NHLRC2: variants seen among roughly 807,000 people sequenced by gnomAD.
The protein encoded by NHLRC2 is NHL repeat containing 2.
In NHLRC2, 33 loss-of-function variants were observed where a neutral mutation model predicts 68.1. The ratio of observed to expected loss-of-function variants is 0.48; its 90% CI spans 0.37 to 0.65. NHLRC2 has a LOEUF of 0.65. NHLRC2 is among the 30% of genes least tolerant of loss of function. The pLI is 0.00. For synonymous variants in NHLRC2, 311 were observed against 309.6 expected (o/e 1.00, Z -0.05); for missense variants, 761 against 853.8 (o/e 0.89, Z 1.35).
intron 1 of NHLRC2, among the ~76,000 whole-genome samples, chr10:113,856,029 T>G (rs538295487): frequency 6.6e-4 from 101 of 152,260 alleles, no homozygotes; most frequent in Middle Eastern, 3.4e-3. Context: ...GTACTGTGCT[T>G]CTCCGTTCAA....
At chr10:113,856,607 G>A (rs1024171269) in intron 1 of NHLRC2, among the ~76,000 whole-genome samples, 2 of 152,246 alleles carry the variant, frequency 1.3e-5, no homozygotes, top group South Asian at 2.1e-4. Flanking sequence ...GGGATTTGGG[G>A]AATGTTTTTT....
In NHLRC2 at chr10:113,876,847, C is replaced by T; in HGVS notation, c.658C>T (p.Pro220Ser). 6.2e-7 allele frequency: 1 copy of T among 1,612,484 alleles called. No individual in the cohort carries two copies. The highest frequency in any genetic ancestry group is 8.5e-7 in the Non-Finnish European group (1 of 1,178,780). The change falls in exon 3 of 11, where the codon CCT (proline) becomes TCT (serine). Residue 220 changes from proline to serine, a missense_variant. Physicochemically the swap from Pro to Ser is moderately conservative, Grantham distance 74 (BLOSUM62 -1). Coordinates refer to ENST00000369301, the MANE Select transcript of NHLRC2 (RefSeq NM_198514.4). ...GIKLYKDSLPPSPLLFPGKVT... is the reference protein window; with the variant it reads ...GIKLYKDSLPSSPLLFPGKVT... ...AAAACTCTATAAAGATTCTTTGCCA[C>T]CTTCACCATTGCTATTTCCTGGCAA...
At chr10:113,858,418 A>G in intron 1 of NHLRC2, 110 bp from the exon 2 acceptor site, 2 of 680,486 alleles carry the variant, frequency 2.9e-6, no homozygotes, top group Non-Finnish European at 5.0e-6. Context: ...ACTCTCTCAA[A>G]GTGTTTATTT....
intron 2 of NHLRC2, among the ~76,000 whole-genome samples, chr10:113,870,906 T>C (rs1330099160): frequency 6.6e-6 from 1 of 152,186 alleles, no homozygotes; most frequent in African/African-American, 2.4e-5. Flanking sequence ...TTTATATGGC[T>C]ATTTATTGTA....
chr10:113,895,133 G>C (rs1398350040), intron 5 of NHLRC2, among the ~76,000 whole-genome samples: 1 of 152,132 alleles, frequency 6.6e-6, no homozygotes, highest in Non-Finnish European at 1.5e-5. Context: ...AATAGTACAG[G>C]TTCACATCTA....
intron 2 of NHLRC2, among the ~76,000 whole-genome samples, chr10:113,868,024 T>G (rs539511321): frequency 1.8e-4 from 27 of 152,358 alleles, no homozygotes; most frequent in Admixed American, 7.8e-4. Flanking sequence ...GGTCTCACTC[T>G]GTTGCCTGGG....
chr10:113,888,657 A>G (rs1434408352), intron 5 of NHLRC2, among the ~76,000 whole-genome samples: 1 of 152,122 alleles, frequency 6.6e-6, no homozygotes, highest in Non-Finnish European at 1.5e-5. Context: ...GTCATTCTTA[A>G]TGTGGTCAGA....
chr10:113,867,950 T>C (rs762365520), intron 2 of NHLRC2, among the ~76,000 whole-genome samples: 6 of 152,176 alleles, frequency 3.9e-5, no homozygotes, highest in Non-Finnish European at 5.9e-5. Context: ...AAAGTGGTTT[T>C]ATTACTAATA....
intron 3 of NHLRC2, 127 bp from the exon 4 acceptor site, chr10:113,879,447 T>G: frequency 3.9e-6 from 3 of 762,052 alleles, no homozygotes; most frequent in Non-Finnish European, 6.3e-6. Context: ...TTGGGGAACA[T>G]TTTAGTTTTT....
In NHLRC2 at chr10:113,854,847, G is replaced by C. The variant is rs1407450085; in HGVS notation, c.-26G>C. ...AGCGAGACTCTCCCGCGGGCCCGGC[G>C]GCCGCATCGGGAGCCCGGCGGAAAC... On this transcript the variant is annotated 5_prime_UTR_variant, in exon 1 of 11. Coordinates refer to ENST00000369301, the MANE Select transcript of NHLRC2 (RefSeq NM_198514.4). 6.5e-7 allele frequency: 1 copy of C among 1,529,584 alleles called. No individual in the cohort carries two copies. Among genetic ancestry groups the C allele is most frequent in the East Asian group, 2.5e-5 (1 of 40,674 alleles). 94.8% of individuals were successfully genotyped at this position (1,529,584 alleles called of 1,614,324 possible).
chr10:113,889,962 A>G (rs747143730), intron 5 of NHLRC2, among the ~76,000 whole-genome samples: 1 of 152,198 alleles, frequency 6.6e-6, no homozygotes, highest in Admixed American at 6.5e-5. Context: ...AGGTATTTCT[A>G]GTTTTCAGTG....
chr10:113,898,713 AC>A (rs1457982847), intron 6 of NHLRC2, among the ~76,000 whole-genome samples: 2 of 152,232 alleles, frequency 1.3e-5, no homozygotes, highest in Non-Finnish European at 2.9e-5. Context: ...ACAGTTGAAT[AC>A]CACATAGCAG....
Position 113,911,392 on chromosome 10 carries a change from A to G in NHLRC2, c.*2856A>G, listed in dbSNP as rs1292090724. The G allele has an allele frequency of 6.6e-6, 1 of 152,142 alleles. No individual in the cohort carries two copies. Among genetic ancestry groups the G allele is most frequent in the Non-Finnish European group, 1.5e-5 (1 of 67,984 alleles). 9.4% of individuals were successfully genotyped at this position (152,142 alleles called of 1,614,324 possible). A position where few individuals can be genotyped will look rare whatever the true frequency, so the allele number is the denominator to read the frequency against. ...ACTTTAGCAAAATTCAATGACTATGAAAAATAATTTTTTTCTTAACTGTTC... is the reference window on the plus strand; with the variant it reads ...ACTTTAGCAAAATTCAATGACTATGGAAAATAATTTTTTTCTTAACTGTTC... On this transcript the variant is annotated 3_prime_UTR_variant, in exon 11 of 11. Transcript: ENST00000369301.
intron 3 of NHLRC2, 121 bp from the exon 4 acceptor site, chr10:113,879,446 ATTTTAGT>A: frequency 1.3e-6 from 1 of 769,272 alleles, no homozygotes; most frequent in Non-Finnish European, 2.1e-6. Context: ...CTTGGGGAAC[ATTTTAGT>A]TTTTAGATGG....
rs546245791 is a variant in NHLRC2, at chr10:113,897,010, A to T, written c.1040-1100A>T. On this transcript the variant is annotated intron_variant, in intron 5 of 10. Coordinates refer to ENST00000369301, the MANE Select transcript of NHLRC2 (RefSeq NM_198514.4). ...CTCCGCCTCAAAAAAAAAAAAAAAA[A>T]TTTTGAACCAATAAATGCTTTGAAA... Among the ~76,000 whole-genome samples the T allele has an allele frequency of 3.6e-3, 553 of 151,766 alleles. 2 individuals are homozygous for T. Among genetic ancestry groups the T allele is most frequent in the African/African-American group, 0.011 (456 of 41,418 alleles).
intron 2 of NHLRC2, among the ~76,000 whole-genome samples, chr10:113,868,222 A>G (rs537853959): frequency 6.6e-6 from 1 of 152,100 alleles, no homozygotes; most frequent in South Asian, 2.1e-4. Flanking sequence ...ACAATTTTTG[A>G]TATAGTTTCT....
rs574794241 is a variant in NHLRC2, at chr10:113,901,067, T to C, written c.1140-599T>C. 1.1e-4 allele frequency among the ~76,000 whole-genome samples: 16 copies of C among 152,352 alleles called. No individual in the cohort carries two copies. The South Asian group carries it at 3.3e-3, about 32-fold the overall frequency. ...CTAATGTATATAAGAAATTGATTTG[T>C]ACAATCGATATAATTGTACATAATT... is the stretch of plus-strand genomic sequence containing the variant. On this transcript the variant is annotated intron_variant, in intron 6 of 10. Transcript: ENST00000369301.
intron 2 of NHLRC2, among the ~76,000 whole-genome samples, chr10:113,865,357 A>G (rs541114167): frequency 1.3e-4 from 19 of 148,268 alleles, no homozygotes; most frequent in Admixed American, 4.0e-4. Flanking sequence ...TGCTGGCCCA[A>G]TAACTCACTT....
rs578012952 is a variant in NHLRC2 at position 113,890,330 on chromosome 10, C to T, written c.1039+5950C>T. ...CTTTTACTATTTTAAAGATATTACT[C>T]CATTGTCTTTTGACTTACATAGTTT... is the stretch of plus-strand genomic sequence containing the variant. On this transcript the variant is annotated intron_variant, in intron 5 of 10. Coordinates refer to ENST00000369301, the MANE Select transcript of NHLRC2 (RefSeq NM_198514.4). Among the ~76,000 whole-genome samples the T allele has an allele frequency of 3.3e-5, 5 of 152,250 alleles. No homozygotes were observed. The East Asian group carries it at 9.6e-4, about 29-fold the overall frequency.
Sources: allele counts gnomAD v4.1 joint callset (sites outside exome capture counted in the v4.1 genomes callset), GRCh38; gene constraint gnomAD v4.1.1; transcripts MANE v1.5; gene names NCBI Gene and HGNC (gene_info 2026-07-23, HGNC 2026-07-21).